Variants in CNTNAP2 observed in about 807,000 individuals in gnomAD.
CNTNAP2 encodes contactin associated protein 2, also known as contactin-associated protein-like 2.
Under a neutral mutation model 155.2 loss-of-function variants are expected in CNTNAP2, and 98 were observed. The ratio of observed to expected loss-of-function variants is 0.63; its 90% confidence interval spans 0.54 to 0.75. The LOEUF is 0.75. CNTNAP2 is among the 30% of genes least tolerant of loss of function. The pLI, the probability that CNTNAP2 is intolerant of heterozygous loss-of-function variation, is 0.00. For missense variants in CNTNAP2, 1,727 were observed against 1,688.1 expected, an observed-to-expected ratio of 1.02 and a Z score of -0.40; for synonymous variants, 651 against 631.2, an observed-to-expected ratio of 1.03 and a Z score of -0.47.
chr7:147,356,882 A>G (rs1027499596), intron 9 of CNTNAP2, among the ~76,000 whole-genome samples: 1 of 152,020 alleles, frequency 6.6e-6, no homozygotes, highest in Non-Finnish European at 1.5e-5. Flanking sequence ...CTGTGTCTTG[A>G]GCAAAGTTTT....
At chr7:147,053,340 G>GT (rs1052027182) in intron 4 of CNTNAP2, among the ~76,000 whole-genome samples, 17 of 151,698 alleles carry the variant, frequency 1.1e-4, no homozygotes, top group African/African-American at 2.2e-4. Context: ...GTATTTAATT[G>GT]TTTTTTTTCT....
intron 10 of CNTNAP2, among the ~76,000 whole-genome samples, chr7:147,407,801 T>A (rs1258306357): frequency 6.6e-6 from 1 of 152,216 alleles, no homozygotes; most frequent in Admixed American, 6.5e-5. Context: ...GCTGCGTGGT[T>A]AATGAAAACC....
intron 2 of CNTNAP2, among the ~76,000 whole-genome samples, chr7:146,808,470 G>A (rs779627057): frequency 6.6e-6 from 1 of 152,044 alleles, no homozygotes; most frequent in Admixed American, 6.6e-5. Flanking sequence ...TGCTGATTTT[G>A]CTCACTTCTG....
At position 148,405,496 on chromosome 7, in the gene CNTNAP2, C is replaced by T. The variant is rs537882789; in HGVS notation, c.3716-3895C>T. Among the ~76,000 whole-genome samples the T allele has an allele frequency of 4.6e-4, 63 of 135,518 alleles. No homozygotes were observed. The South Asian group carries it at 0.014, about 31-fold the overall frequency. The allele number at this position is 135,518 out of a possible 152,430, so 88.9% of individuals were successfully genotyped here. A position where few individuals can be genotyped will look rare whatever the true frequency, so the allele number is the denominator to read the frequency against. On this transcript the variant is annotated intron_variant, in intron 22 of 23. Coordinates refer to ENST00000361727, the MANE Select transcript of CNTNAP2 (RefSeq NM_014141.6). ...AGGGTGGAGTGCAGTGGTGCAATCT[C>T]GGCTCGCTACAACCTCCGCCTCCCA...
intron 15 of CNTNAP2, among the ~76,000 whole-genome samples, chr7:148,117,510 A>C (rs945715945): frequency 2.4e-4 from 37 of 152,172 alleles, no homozygotes; most frequent in African/African-American, 7.5e-4. Context: ...TTGACACAGG[A>C]GTGAGCACTG....
At chr7:146,803,255 T>TAG (rs929802697) in intron 2 of CNTNAP2, among the ~76,000 whole-genome samples, 8 of 151,978 alleles carry the variant, frequency 5.3e-5, no homozygotes, top group African/African-American at 1.9e-4. Flanking sequence ...AGGGAAGCAA[T>TAG]AGAATACACC....
intron 2 of CNTNAP2, among the ~76,000 whole-genome samples, chr7:146,807,457 G>A (rs1802987883): frequency 6.6e-6 from 1 of 151,986 alleles, no homozygotes; most frequent in African/African-American, 2.4e-5. Context: ...GCCCACTTTT[G>A]GGGTGATGAG....
chr7:148,222,434 T>C lies in CNTNAP2; in HGVS notation c.3247+4910T>C, dbSNP rs373424132. Among the ~76,000 whole-genome samples, 215 of 152,304 alleles carry C rather than the reference T, an allele frequency of 1.4e-3. 2 individuals carry two copies. The highest frequency in any genetic ancestry group is 4.2e-3 in the African/African-American group (175 of 41,566). Reference sequence around the variant, plus strand: ...CCAGCTCAGGCCTCTCTTCCTCTTCTTATAGACAGTCCCACTCCCATGAGA... The same window carrying C: ...CCAGCTCAGGCCTCTCTTCCTCTTCCTATAGACAGTCCCACTCCCATGAGA... On this transcript the variant is annotated intron_variant, in intron 19 of 23. Coordinates refer to ENST00000361727, the MANE Select transcript of CNTNAP2 (RefSeq NM_014141.6).
chr7:147,641,333 G>A (rs1445269980), intron 13 of CNTNAP2, among the ~76,000 whole-genome samples: 1 of 152,170 alleles, frequency 6.6e-6, no homozygotes, highest in Non-Finnish European at 1.5e-5. Flanking sequence ...TAAGAAATAA[G>A]GTTGGAAAGG....
intron 13 of CNTNAP2, among the ~76,000 whole-genome samples, chr7:147,718,449 ATAT>A (rs1239788036): frequency 6.6e-6 from 1 of 152,114 alleles, no homozygotes; most frequent in Non-Finnish European, 1.5e-5. Flanking sequence ...TGACTCTATA[ATAT>A]TATTAATTTA....
At chr7:146,709,292 C>T (rs1801021815) in intron 1 of CNTNAP2, among the ~76,000 whole-genome samples, 1 of 152,128 alleles carries the variant, frequency 6.6e-6, no homozygotes, top group African/African-American at 2.4e-5. Flanking sequence ...GAACTTTTCT[C>T]TTCACTGTAC....
chr7:148,206,150 T>G (rs1419322472), intron 18 of CNTNAP2, among the ~76,000 whole-genome samples: 1 of 150,230 alleles, frequency 6.7e-6, no homozygotes, highest in African/African-American at 2.4e-5. Flanking sequence ...GTTGTATTAA[T>G]GTTGGTTTCC....
intron 13 of CNTNAP2, among the ~76,000 whole-genome samples, chr7:147,789,191 G>A (rs954536960): frequency 2.6e-5 from 4 of 152,100 alleles, no homozygotes; most frequent in African/African-American, 9.7e-5. Flanking sequence ...ACAGGCGTGA[G>A]CCACCACGCC....
intron 1 of CNTNAP2, among the ~76,000 whole-genome samples, chr7:146,583,167 A>C (rs1798638460): frequency 6.6e-6 from 1 of 152,124 alleles, no homozygotes; most frequent in African/African-American, 2.4e-5. Flanking sequence ...AAAACTTAGA[A>C]CATAGCTTTG....
chr7:147,889,018 A>G (rs1253917879), intron 13 of CNTNAP2, among the ~76,000 whole-genome samples: 1 of 152,160 alleles, frequency 6.6e-6, no homozygotes, highest in Non-Finnish European at 1.5e-5. Context: ...CTTATATGTA[A>G]GGAACAGAAA....
intron 19 of CNTNAP2, among the ~76,000 whole-genome samples, chr7:148,224,967 A>G (rs4725768): frequency 0.19 from 28,570 of 152,178 alleles, 2,769 homozygotes; most frequent in Middle Eastern, 0.26. Context: ...GGTCCCTCCC[A>G]TGGCACATGG....
intron 10 of CNTNAP2, among the ~76,000 whole-genome samples, chr7:147,422,887 A>G (rs1262572898): frequency 6.6e-6 from 1 of 152,212 alleles, no homozygotes; most frequent in East Asian, 1.9e-4. Flanking sequence ...AAATTTTCCA[A>G]TTGCAAATAT....
At chr7:147,962,633 C>T (rs781213974) in intron 14 of CNTNAP2, among the ~76,000 whole-genome samples, 3 of 152,196 alleles carry the variant, frequency 2.0e-5, no homozygotes, top group Non-Finnish European at 4.4e-5. Flanking sequence ...GCTTGAAACA[C>T]ATGAAACTGA....
At chr7:146,698,875 C>T (rs1472503225) in intron 1 of CNTNAP2, among the ~76,000 whole-genome samples, 5 of 152,154 alleles carry the variant, frequency 3.3e-5, no homozygotes, top group African/African-American at 1.2e-4. Context: ...TCTTCAAACA[C>T]ATTATTTCCT....
Sources: allele counts gnomAD v4.1 joint callset (sites outside exome capture counted in the v4.1 genomes callset), GRCh38; gene constraint gnomAD v4.1.1; transcripts MANE v1.5; gene names NCBI Gene and HGNC (gene_info 2026-07-23, HGNC 2026-07-21).